IFT140: variants seen among roughly 807,000 people sequenced by gnomAD.
IFT140 encodes the protein intraflagellar transport protein 140 homolog.
IFT140 carries 133 observed loss-of-function variants against 164.6 expected under a neutral mutation model. That is an observed-to-expected ratio of 0.81 (90% CI 0.70 to 0.93). The LOEUF is 0.93. Among genes scored for constraint, IFT140 ranks in the 40% least tolerant of loss-of-function variants. The pLI is 0.00. For missense variants in IFT140, 2,045 were observed against 1,972.3 expected (o/e 1.04, Z -0.70); for synonymous variants, 860 against 817.3 (o/e 1.05, Z -0.89).
At chr16:1,536,092 C>T (rs890358942) in intron 19 of IFT140, among the ~76,000 whole-genome samples, 1 of 152,230 alleles carries the variant, frequency 6.6e-6, no homozygotes, top group Non-Finnish European at 1.5e-5. Flanking sequence ...CCACAGAGCA[C>T]CCCCGGGGGA....
rs1374762713 is a variant in IFT140 at position 1,587,329 on chromosome 16, A to G, written c.903-25T>C. 4 of 1,462,732 alleles carry G rather than the reference A, an allele frequency of 2.7e-6. No individual in the cohort carries two copies. The Admixed American group carries it at 5.0e-5, about 18-fold the overall frequency. 90.6% of individuals were successfully genotyped at this position (1,462,732 alleles called of 1,614,324 possible). ...TCTACAACAGAAGAAAGCAAGCCCCATGGAGGGCCTGTGTTAGTGGCGTTT... is the reference window on the plus strand; with the variant it reads ...TCTACAACAGAAGAAAGCAAGCCCCGTGGAGGGCCTGTGTTAGTGGCGTTT... On this transcript the variant is annotated intron_variant, in intron 8 of 30. Coordinates refer to ENST00000426508, the MANE Select transcript of IFT140 (RefSeq NM_014714.4).
chr16:1,593,854 C>G (rs957796037), intron 4 of IFT140, among the ~76,000 whole-genome samples: 3 of 152,108 alleles, frequency 2.0e-5, no homozygotes, highest in South Asian at 2.1e-4. Flanking sequence ...CCCTCCATCC[C>G]GTACTGTTCA....
chr16:1,552,751 C>A (rs1254780651), intron 19 of IFT140, among the ~76,000 whole-genome samples: 1 of 150,198 alleles, frequency 6.7e-6, no homozygotes, highest in East Asian at 2.0e-4. Context: ...TGGGTTCAAG[C>A]AATTCTCTGC....
At chr16:1,594,829 C>T (rs535783500) in intron 4 of IFT140, among the ~76,000 whole-genome samples, 6 of 152,326 alleles carry the variant, frequency 3.9e-5, no homozygotes, top group African/African-American at 1.2e-4. Context: ...CAAGCACTCC[C>T]CAGGGGACGC....
intron 2 of IFT140, 113 bp from the exon 3 acceptor site, chr16:1,607,410 C>G (rs540257374): frequency 7.5e-6 from 7 of 927,252 alleles, no homozygotes; most frequent in African/African-American, 6.7e-5. Context: ...GGAAGACCAT[C>G]GGCAACTTGA....
At position 1,511,056 on chromosome 16, in the gene IFT140, C is replaced by A. The variant is rs886051708; in HGVS notation, c.4277G>T (p.Gly1426Val). The change falls in exon 31 of 31, where the codon GGG becomes GTG. Residue 1426 changes from glycine (G) to valine (V), a missense_variant. Transcript: ENST00000426508. ...GGTGCGTGGCAGTGGGAGACCCAGC[C>A]CCCGGTGCACGGCGTCCACGGCCTG... is the stretch of plus-strand genomic sequence containing the variant. ...SPQAVDAVHR[G>V]LGLPLPRTVP... The A allele has an allele frequency of 1.2e-6, 2 of 1,607,448 alleles. No homozygotes were observed. Among genetic ancestry groups the A allele is most frequent in the Non-Finnish European group, 1.7e-6 (2 of 1,176,892 alleles).
chr16:1,510,855 A>G lies in IFT140; in HGVS notation c.*89T>C. On this transcript the variant is annotated 3_prime_UTR_variant, in exon 31 of 31. Coordinates refer to ENST00000426508, the MANE Select transcript of IFT140 (RefSeq NM_014714.4). ...TTCCAACACAGACATGTTTTTTCCC[A>G]GCAAAAATGCTGGCTTTGCCACAGC... 8.2e-7 allele frequency: 1 copy of G among 1,216,186 alleles called. No homozygotes were observed. The allele number at this position is 1,216,186 out of a possible 1,614,324, so 75.3% of individuals were successfully genotyped here.
intron 3 of IFT140, among the ~76,000 whole-genome samples, chr16:1,605,437 A>C (rs759366651): frequency 1.3e-4 from 20 of 151,906 alleles, no homozygotes; most frequent in Non-Finnish European, 2.1e-4. Flanking sequence ...ATGGAGTCTC[A>C]CTCTGTTGCC....
intron 19 of IFT140, among the ~76,000 whole-genome samples, chr16:1,528,413 ACG>A (rs2030019480): frequency 7.4e-6 from 1 of 135,232 alleles, no homozygotes; most frequent in East Asian, 2.2e-4. Flanking sequence ...ACACACATGG[ACG>A]CACATGCACA....
In IFT140 at chr16:1,561,989, C is replaced by A; in HGVS notation, c.2195G>T (p.Arg732Ile). 6.3e-7 allele frequency: 1 copy of A among 1,599,776 alleles called. No homozygotes were observed. Among genetic ancestry groups the A allele is most frequent in the South Asian group, 1.1e-5 (1 of 87,830 alleles). The change falls in exon 18 of 31, where the codon AGA becomes ATA. Residue 732 changes from arginine to isoleucine, a missense_variant. Coordinates refer to ENST00000426508, the MANE Select transcript of IFT140 (RefSeq NM_014714.4). ...GCGGATGTCGTGGCTTCGTACCTTT[C>A]TTGTGAAGTAGTAATAAGGCACTTC... Reference protein sequence around the residue: ...GMEVPYYYFTRKPEEADREDE... With the variant: ...GMEVPYYYFTIKPEEADREDE...
At position 1,564,183 on chromosome 16, in the gene IFT140, C is replaced by T. The variant is rs186201473; in HGVS notation, c.1902-21G>A. The T allele has an allele frequency of 5.2e-6, 8 of 1,544,346 alleles. No homozygotes were observed. The Admixed American group carries it at 5.4e-5, about 11-fold the overall frequency. On this transcript the variant is annotated intron_variant, in intron 16 of 30. Transcript: ENST00000426508. This position sits in a 1 kb window ranked among gnomAD's most constrained non-coding sequence, Gnocchi z 5.5. ...GGCTCCTAAAAGACAAAGGAAGACC[C>T]GTTTCAACCCCAGGGCGGGCACTCC...
chr16:1,587,878 G>A, intron 8 of IFT140, 55 bp downstream of exon 8: 1 of 1,367,030 alleles, frequency 7.3e-7, no homozygotes, highest in Non-Finnish European at 1.0e-6. Flanking sequence ...TGACTTAGAG[G>A]AGCCTGTTCC....
chr16:1,521,434 G>C (rs2040523574), intron 26 of IFT140, among the ~76,000 whole-genome samples: 1 of 151,884 alleles, frequency 6.6e-6, no homozygotes, highest in African/African-American at 2.4e-5. Flanking sequence ...TATTGCCCAG[G>C]CTGGAGTGCA....
chr16:1,591,468 G>A lies in IFT140; in HGVS notation c.634+708C>T, dbSNP rs183283032. ...TGCTCTCTTCTTCCTGTCAAGATCC[G>A]GCTGCTTGGTGAAACCGATAGCAAA... is the stretch of plus-strand genomic sequence containing the variant. On this transcript the variant is annotated intron_variant, in intron 6 of 30. Coordinates refer to ENST00000426508, the MANE Select transcript of IFT140 (RefSeq NM_014714.4). Among the ~76,000 whole-genome samples the A allele has an allele frequency of 7.6e-4, 115 of 152,264 alleles. No individual in the cohort carries two copies. The Middle Eastern group carries it at 0.01, about 14-fold the overall frequency.
intron 4 of IFT140, among the ~76,000 whole-genome samples, chr16:1,596,044 A>C (rs1044463825): frequency 2.6e-5 from 4 of 152,234 alleles, no homozygotes; most frequent in Non-Finnish European, 4.4e-5. Flanking sequence ...TGACAGAGTG[A>C]GGCTCCGTCT....
intron 4 of IFT140, among the ~76,000 whole-genome samples, chr16:1,594,248 T>C (rs1253917746): frequency 6.6e-6 from 1 of 150,402 alleles, no homozygotes; most frequent in African/African-American, 2.4e-5. Flanking sequence ...TGAGACAGGG[T>C]CTCACTGTGT....
In IFT140 at chr16:1,592,297, CTT is replaced by C; in HGVS notation, c.511_512del (p.Lys171GlyfsTer6). The C allele has an allele frequency of 6.2e-7, 1 of 1,614,212 alleles. No homozygotes were observed. Among genetic ancestry groups the C allele is most frequent in the South Asian group, 1.1e-5 (1 of 91,084 alleles). On this transcript the variant is annotated frameshift_variant, in exon 6 of 31. Transcript: ENST00000426508. LOFTEE classifies it high-confidence loss of function. ...CTTTCTCATCACCGCTCACAGCTGC[CTT>C]TGCCAACTGAACCAGGTCCCTGAAA... ...PPGEDLVQLAKAAVSGDEKAL... is the reference protein window; with the variant it reads ...PPGEDLVQLAXAAVSGDEKAL...
chr16:1,594,320 C>T (rs909766615), intron 4 of IFT140, among the ~76,000 whole-genome samples: 1 of 151,950 alleles, frequency 6.6e-6, no homozygotes, highest in Non-Finnish European at 1.5e-5. Flanking sequence ...TCCAGGGCTC[C>T]TGTGATCCTC....
chr16:1,577,218 T>C (rs2034323233), intron 13 of IFT140: 2 of 152,210 alleles, frequency 1.3e-5, no homozygotes, highest in South Asian at 4.1e-4. Context: ...GGTCTGCAGA[T>C]GTGGACGCCA....
Sources: gnomAD v4.1 joint callset for allele counts (sites outside exome capture counted in the v4.1 genomes callset) on GRCh38, gnomAD v4.1.1 for gene constraint, Gnocchi (gnomAD v3.1) non-coding constraint, MANE v1.5 for transcripts, NCBI Gene and HGNC (gene_info 2026-07-23, HGNC 2026-07-21) for gene names.